The following SUMF1 variants were observed in gnomAD, a reference collection of about 807,000 sequenced individuals.
The protein encoded by SUMF1 is formylglycine-generating enzyme.
A neutral mutation model predicts 47.6 loss-of-function variants in SUMF1; 48 were observed. The ratio of observed to expected loss-of-function variants is 1.01; its 90% CI spans 0.80 to 1.28. The LOEUF is 1.28. Ranked by LOEUF, SUMF1 falls within the 50% of genes most tolerant of loss-of-function variation. SUMF1 has a pLI of 0.00. For missense variants in SUMF1, 571 were observed against 485.4 expected (o/e 1.18, Z -1.66); for synonymous variants, 230 against 192.1 (o/e 1.20, Z -1.63).
intron 8 of SUMF1, among the ~76,000 whole-genome samples, chr3:4,319,930 T>A (rs1698788977): frequency 6.6e-6 from 1 of 152,104 alleles, no homozygotes; most frequent in Non-Finnish European, 1.5e-5. Context: ...TGAGTCCAAC[T>A]ATATGACACT....
In SUMF1 at chr3:4,267,157, G is replaced by T. The variant is rs537834969; in HGVS notation, c.1014+109173C>A. On this transcript the variant is annotated intron_variant and NMD_transcript_variant, in intron 8 of 12. Coordinates refer to the SUMF1 transcript ENST00000448413. ...TTTTATTGAGGATTTCTGCATCAAT[G>T]TTCATCAAGGATATTGGTCTAAAAT... Among the ~76,000 whole-genome samples the T allele has an allele frequency of 4.1e-3, 628 of 152,168 alleles. 7 individuals carry two copies. The highest frequency in any genetic ancestry group is 0.014 in the African/African-American group (600 of 41,532).
chr3:4,357,303 G>A (rs1217024491), downstream of SUMF1, among the ~76,000 whole-genome samples: 1 of 133,334 alleles, frequency 7.5e-6, no homozygotes, highest in Non-Finnish European at 1.5e-5. Context: ...AAAGCACTAT[G>A]TTTACGGTGG....
chr3:4,378,996 G>C lies in SUMF1; in HGVS notation c.955-2607C>G, dbSNP rs1218969937. Among the ~76,000 whole-genome samples, 5 of 152,196 alleles carry C rather than the reference G, an allele frequency of 3.3e-5. No individual in the cohort carries two copies. The East Asian group carries it at 9.6e-4, about 29-fold the overall frequency. ...TAACTACGACACTTATCACAGTGAC[G>C]CAAGTAGTAATGACAGTCATCCCAG... On this transcript the variant is annotated intron_variant, in intron 7 of 8. Coordinates refer to ENST00000272902, the MANE Select transcript of SUMF1 (RefSeq NM_182760.4).
chr3:4,204,819 C>G (rs557824144), intron 8 of SUMF1, among the ~76,000 whole-genome samples: 19 of 104,418 alleles, frequency 1.8e-4, no homozygotes, highest in South Asian at 1.5e-3. Context: ...GCTCCAGGAT[C>G]TCTGCTTGAT....
Position 4,175,558 on chromosome 3 carries a change from G to T in SUMF1, c.1015-106813C>A, listed in dbSNP as rs186045073. Among the ~76,000 whole-genome samples the T allele has an allele frequency of 3.3e-4, 50 of 152,224 alleles. 2 individuals are homozygous for T. In the East Asian group the frequency reaches 9.3e-3, roughly 28 times the overall value. ...AGGTGACCAACATCAAAGACCAAAG[G>T]TAGATAAAACCACAAAGATGGGGAG... On this transcript the variant is annotated intron_variant and NMD_transcript_variant, in intron 8 of 12. Transcript: ENST00000448413.
chr3:4,199,622 T>C (rs960709114), intron 8 of SUMF1, among the ~76,000 whole-genome samples: 1 of 152,184 alleles, frequency 6.6e-6, no homozygotes, highest in African/African-American at 2.4e-5. Context: ...TCTTCATAAA[T>C]CTAAATAACA....
chr3:4,335,500 C>T (rs973913898), intron 8 of SUMF1, among the ~76,000 whole-genome samples: 3 of 152,348 alleles, frequency 2.0e-5, no homozygotes, highest in African/African-American at 7.2e-5. Flanking sequence ...GGAAACTCAT[C>T]TTCCTTGCTG....
chr3:4,411,705 GAAA>G (rs35731250), intron 6 of SUMF1, among the ~76,000 whole-genome samples: 1 of 114,246 alleles, frequency 8.8e-6, no homozygotes, highest in Non-Finnish European at 1.8e-5. Flanking sequence ...AGAGCAGGAG[GAAA>G]AAAAAAAAAA....
At chr3:4,346,916 T>A (rs574094890) in intron 8 of SUMF1, among the ~76,000 whole-genome samples, 1 of 152,204 alleles carries the variant, frequency 6.6e-6, no homozygotes, top group South Asian at 2.1e-4. Flanking sequence ...TCTACACAAA[T>A]AAACTAGAAA....
intron 8 of SUMF1, among the ~76,000 whole-genome samples, chr3:4,254,258 A>G (rs1696890049): frequency 6.6e-6 from 1 of 152,058 alleles, no homozygotes; most frequent in Non-Finnish European, 1.5e-5. Context: ...ACAAAGCTGG[A>G]TGGAGAATGA....
At chr3:4,262,705 A>T (rs1697112455) in intron 8 of SUMF1, among the ~76,000 whole-genome samples, 1 of 152,160 alleles carries the variant, frequency 6.6e-6, no homozygotes, top group African/African-American at 2.4e-5. Context: ...ACAGAAGTGA[A>T]TCTCTGGCTC....
intron 8 of SUMF1, among the ~76,000 whole-genome samples, chr3:4,183,868 G>C (rs139029179): frequency 1.2e-3 from 177 of 152,232 alleles, no homozygotes; most frequent in Non-Finnish European, 1.4e-3. Flanking sequence ...ACCATCAAAA[G>C]AGGCATTAAA....
chr3:4,266,445 C>T (rs1210690829), intron 8 of SUMF1, among the ~76,000 whole-genome samples: 2 of 152,138 alleles, frequency 1.3e-5, no homozygotes, highest in South Asian at 4.2e-4. Flanking sequence ...AGGTCCTTCA[C>T]ATCCCTTGTA....
rs112775087 is a variant in SUMF1 at position 4,116,638 on chromosome 3, T to G, written c.1015-47893A>C. Among the ~76,000 whole-genome samples the G allele has an allele frequency of 1.3e-3, 201 of 152,250 alleles. 1 individual carries two copies. The highest frequency in any genetic ancestry group is 4.4e-3 in the African/African-American group (184 of 41,526). ...CTGAGTTTCTTTCCTTTTTATCCTT[T>G]CTTTTATATGAAAAGCAATAAACCA... On this transcript the variant is annotated intron_variant and NMD_transcript_variant, in intron 8 of 12. Coordinates refer to the SUMF1 transcript ENST00000448413.
At chr3:4,105,812 T>G (rs1693145335) in intron 8 of SUMF1, among the ~76,000 whole-genome samples, 1 of 152,102 alleles carries the variant, frequency 6.6e-6, no homozygotes, top group African/African-American at 2.4e-5. Flanking sequence ...TACAAACTAT[T>G]TTTATATGTT....
chr3:4,132,912 C>T (rs1223812913), intron 8 of SUMF1, among the ~76,000 whole-genome samples: 3 of 152,104 alleles, frequency 2.0e-5, no homozygotes, highest in Admixed American at 6.6e-5. Flanking sequence ...TAGGAAACTA[C>T]AGCACCCCAC....
Position 4,466,989 on chromosome 3 carries a change from A to C in SUMF1, c.257T>G (p.Leu86Arg). Residue 86 changes from leucine (L) to arginine (R), a missense_variant, in exon 1 of 9, where the codon CTC becomes CGC. By Grantham distance (102) the Leu-to-Arg change is moderately radical. Coordinates refer to ENST00000272902, the MANE Select transcript of SUMF1 (RefSeq NM_182760.4). ...APGPVPGERQ[L>R]AHSKMVPIPA... is the part of the protein sequence containing the mutation. ...TCGATGGAGCACCTTTGAGTGCGCG[A>C]GTTGCCGCTCTCCGGGTACGGGGCC... is the stretch of plus-strand genomic sequence containing the variant. The C allele has an allele frequency of 6.2e-7, 1 of 1,602,798 alleles. No individual in the cohort carries two copies. The highest frequency in any genetic ancestry group is 1.7e-5 in the Admixed American group (1 of 58,576).
At chr3:4,307,967 T>G (rs184926880) in intron 8 of SUMF1, among the ~76,000 whole-genome samples, 1 of 152,100 alleles carries the variant, frequency 6.6e-6, no homozygotes, top group Non-Finnish European at 1.5e-5. Flanking sequence ...AGCCCAGCAG[T>G]TGGAGCCTGC....
chr3:4,456,942 G>GTA (rs758595714), intron 1 of SUMF1, among the ~76,000 whole-genome samples: 35 of 116,086 alleles, frequency 3.0e-4, no homozygotes, highest in East Asian at 1.3e-3. Context: ...ATACGTGTGT[G>GTA]TACATATATA....
Sources: gnomAD v4.1 joint callset for allele counts (sites outside exome capture counted in the v4.1 genomes callset) on GRCh38, gnomAD v4.1.1 for gene constraint, MANE v1.5 for transcripts, NCBI Gene and HGNC (gene_info 2026-07-23, HGNC 2026-07-21) for gene names.